IFNLR1: variants seen among roughly 807,000 people sequenced by gnomAD.
The protein encoded by IFNLR1 is interferon lambda receptor 1.
IFNLR1 carries 28 observed loss-of-function variants against 52.5 expected under a neutral mutation model. The observed-to-expected ratio is 0.53, with a 90% CI of 0.40 to 0.73. The LOEUF is 0.73. IFNLR1 is among the 30% of genes least tolerant of loss of function. IFNLR1 has a pLI of 0.00. For missense variants in IFNLR1, 623 were observed against 659.1 expected, an observed-to-expected ratio of 0.95 and a Z score of 0.60; for synonymous variants, 276 against 274.9, an observed-to-expected ratio of 1.00 and a Z score of -0.04.
At chr1:24,172,691 C>T (rs182506637) in intron 2 of IFNLR1, among the ~76,000 whole-genome samples, 5 of 152,200 alleles carry the variant, frequency 3.3e-5, no homozygotes, top group East Asian at 1.9e-4. Flanking sequence ...ACACCAAAAG[C>T]GTTAACTGTT....
intron 1 of IFNLR1, among the ~76,000 whole-genome samples, chr1:24,185,327 T>A (rs1189907772): frequency 6.6e-6 from 1 of 152,198 alleles, no homozygotes; most frequent in Non-Finnish European, 1.5e-5. Flanking sequence ...AACTATTCCA[T>A]CTATTGACCA....
In IFNLR1 at chr1:24,180,798, C is replaced by G. The variant is rs768810847; in HGVS notation, c.115G>C (p.Val39Leu). Residue 39 changes from valine to leucine, a missense_variant, in exon 2 of 7, where the codon GTG (valine) becomes CTG (leucine). By Grantham distance (32) the Val-to-Leu change is conservative. Transcript: ENST00000327535. ...AGCCCTGGGAGCCATGTCAGGTACACGCTGAAGTTCTGGGAGAGCAGCGTC... is the reference window on the plus strand; with the variant it reads ...AGCCCTGGGAGCCATGTCAGGTACAGGCTGAAGTTCTGGGAGAGCAGCGTC... ...NVTLLSQNFS[V>L]YLTWLPGLGN... 2.5e-6 allele frequency: 4 copies of G among 1,613,546 alleles called. No individual in the cohort carries two copies. The South Asian group carries it at 4.4e-5, about 18-fold the overall frequency.
At chr1:24,182,220 G>A (rs7524076) in intron 1 of IFNLR1, among the ~76,000 whole-genome samples, 104,400 of 148,732 alleles carry the variant, frequency 0.7, 37,624 homozygotes, top group African/African-American at 0.85. Flanking sequence ...AAAAAAAAGT[G>A]TTCCATGAAG....
rs1274217111 is a variant in IFNLR1, at chr1:24,165,588, G to A, written c.367+3829C>T. On this transcript the variant is annotated intron_variant, in intron 3 of 6. Coordinates refer to ENST00000327535, the MANE Select transcript of IFNLR1 (RefSeq NM_170743.4). The stretch of plus-strand genomic sequence containing the variant: ...AGAGGGCAATGTGACAAGGAATATG[G>A]CAGCCAGAGAAAACTAAATACACCA... 2.0e-5 allele frequency among the ~76,000 whole-genome samples: 3 copies of A among 152,302 alleles called. No individual in the cohort carries two copies. In the East Asian group the frequency reaches 5.8e-4, roughly 29 times the overall value.
intron 4 of IFNLR1, 91 bp from the exon 5 acceptor site, chr1:24,159,724 G>GTGTTT (rs1317567098): frequency 2.6e-6 from 2 of 774,182 alleles, no homozygotes; most frequent in Admixed American, 1.2e-4. Flanking sequence ...ACATGGTAGG[G>GTGTTT]TGTTTTTTTT....
At chr1:24,163,399 GT>G (rs1159347126) in intron 3 of IFNLR1, among the ~76,000 whole-genome samples, 2 of 152,124 alleles carry the variant, frequency 1.3e-5, no homozygotes, top group Non-Finnish European at 2.9e-5. Flanking sequence ...GTCAACAGGA[GT>G]TTTAGAGGGG....
chr1:24,187,147 G>A lies in IFNLR1; in HGVS notation c.58+44C>T, dbSNP rs1392773283. On this transcript the variant is annotated intron_variant, in intron 1 of 6. Transcript: ENST00000327535. The stretch of plus-strand genomic sequence containing the variant: ...TCCGAGGGTAGGCGCGGCCCGGCCC[G>A]GGGAGCCCTCTTCCCCCTCCCTCCC... 4.7e-6 allele frequency: 6 copies of A among 1,277,978 alleles called. No homozygotes were observed. The East Asian group carries it at 9.4e-5, about 20-fold the overall frequency. 79.2% of individuals were successfully genotyped at this position (1,277,978 alleles called of 1,614,324 possible).
chr1:24,176,835 C>T (rs1285942214), intron 2 of IFNLR1, among the ~76,000 whole-genome samples: 3 of 152,134 alleles, frequency 2.0e-5, no homozygotes, highest in African/African-American at 4.8e-5. Context: ...TGGTCTCAAA[C>T]TCTTGGGCTC....
At chr1:24,163,683 G>T (rs1180021000) in intron 3 of IFNLR1, among the ~76,000 whole-genome samples, 2 of 151,734 alleles carry the variant, frequency 1.3e-5, no homozygotes, top group Non-Finnish European at 2.9e-5. Flanking sequence ...GGGTTCAAGC[G>T]ATTCTACTGC....
Position 24,169,453 on chromosome 1 carries a change from AG to A in IFNLR1, c.330del (p.Trp111GlyfsTer29). 1 of 1,614,204 alleles carries A rather than the reference AG, an allele frequency of 6.2e-7. No homozygotes were observed. On this transcript the variant is annotated frameshift_variant, in exon 3 of 7. Coordinates refer to ENST00000327535, the MANE Select transcript of IFNLR1 (RefSeq NM_170743.4). LOFTEE classifies it high-confidence loss of function. ...TAATCCAGGTATTCGGACTCCACCCAGGGGGACTTGGAGCTGGGAGAAACCG... is the reference window on the plus strand; with the variant it reads ...TAATCCAGGTATTCGGACTCCACCCAGGGGACTTGGAGCTGGGAGAAACCG... ...VRTVSPSSKS[P>X]WVESEYLDYL...
At chr1:24,159,321 T>C in intron 5 of IFNLR1, 139 bp from the exon 6 acceptor site, 1 of 1,286,790 alleles carries the variant, frequency 7.8e-7, no homozygotes, top group East Asian at 2.4e-5. Context: ...CAAACCAAGG[T>C]TTGGGGCATT....
intron 3 of IFNLR1, among the ~76,000 whole-genome samples, chr1:24,164,679 C>T (rs1040376633): frequency 6.6e-6 from 1 of 151,882 alleles, no homozygotes; most frequent in Non-Finnish European, 1.5e-5. Context: ...CGACTGAGTA[C>T]TTTGATCTTT....
Position 24,169,466 on chromosome 1 carries a change from G to T in IFNLR1, c.318C>A (p.Ser106Arg). 6.2e-7 allele frequency: 1 copy of T among 1,614,234 alleles called. No homozygotes were observed. Among genetic ancestry groups the T allele is most frequent in the Non-Finnish European group, 8.5e-7 (1 of 1,180,040 alleles). Residue 106 changes from serine (S) to arginine (R), a missense_variant, in exon 3 of 7, where the codon AGC becomes AGA. Ser to Arg is a moderately radical substitution (Grantham distance 110, BLOSUM62 -1). Coordinates refer to ENST00000327535, the MANE Select transcript of IFNLR1 (RefSeq NM_170743.4). ...CGGACTCCACCCAGGGGGACTTGGA[G>T]CTGGGAGAAACCGTCCGCACGCGTC... is the stretch of plus-strand genomic sequence containing the variant. ...FKGRVRTVSP[S>R]SKSPWVESEY...
intron 3 of IFNLR1, among the ~76,000 whole-genome samples, chr1:24,166,967 T>C (rs1334897974): frequency 1.3e-5 from 2 of 152,130 alleles, no homozygotes; most frequent in Non-Finnish European, 2.9e-5. Flanking sequence ...TCTGTGAGGA[T>C]TTTTCCAGAA....
In IFNLR1 at chr1:24,157,614, G is replaced by A. The variant is rs1057242155; in HGVS notation, c.1079C>T (p.Ser360Leu). ...LGQEHQAPGH[S>L]EAGGVDSGRP... ...CCCTGAGTCCACCCCACCAGCCTCCGAGTGCCCTGGAGCCTGGTGCTCTTG... is the reference window on the plus strand; with the variant it reads ...CCCTGAGTCCACCCCACCAGCCTCCAAGTGCCCTGGAGCCTGGTGCTCTTG... Residue 360 changes from serine (S) to leucine (L), a missense_variant, in exon 7 of 7, where the codon TCG (serine) becomes TTG (leucine). Ser to Leu is a moderately radical substitution (Grantham distance 145). Transcript: ENST00000327535. The surrounding 1 kb of genome is among the most constrained non-coding windows in gnomAD (Gnocchi z 5.1). 8.1e-6 allele frequency: 13 copies of A among 1,606,576 alleles called. No homozygotes were observed. The highest frequency in any genetic ancestry group is 1.3e-5 in the African/African-American group (1 of 74,580).
At chr1:24,161,211 A>G (rs1184926636) in intron 4 of IFNLR1, among the ~76,000 whole-genome samples, 1 of 152,242 alleles carries the variant, frequency 6.6e-6, no homozygotes, top group African/African-American at 2.4e-5. Flanking sequence ...AAATGCAGCT[A>G]TACACACATG....
At position 24,159,109 on chromosome 1, in the gene IFNLR1, G is replaced by A. The variant is rs1644412543; in HGVS notation, c.744C>T (p.Ile248=). 1 of 1,613,978 alleles carries A rather than the reference G, an allele frequency of 6.2e-7. No individual in the cohort carries two copies. Among genetic ancestry groups the A allele is most frequent in the Admixed American group, 1.7e-5 (1 of 59,988 alleles). The change falls in exon 6 of 7, where the codon ATC becomes ATT. Residue 248 remains isoleucine (I), a synonymous_variant. Coordinates refer to ENST00000327535, the MANE Select transcript of IFNLR1 (RefSeq NM_170743.4). The part of the protein sequence containing the change: ...LLLVIAAGGV[I]WKTLMGNPWF... ...AGGGGTTCCCCATGAGGGTCTTCCAGATCACACCCCCTGCGGCAATTACTA... is the reference window on the plus strand; with the variant it reads ...AGGGGTTCCCCATGAGGGTCTTCCAAATCACACCCCCTGCGGCAATTACTA...
chr1:24,165,314 G>A (rs372850159), intron 3 of IFNLR1, among the ~76,000 whole-genome samples: 1 of 152,174 alleles, frequency 6.6e-6, no homozygotes. Context: ...TAAGCTTTCT[G>A]CCAGTACAGA....
intron 3 of IFNLR1, among the ~76,000 whole-genome samples, chr1:24,162,048 C>A (rs1450331991): frequency 6.6e-6 from 1 of 152,158 alleles, no homozygotes; most frequent in Non-Finnish European, 1.5e-5. Context: ...CAAATTACCA[C>A]ACACACAGTG....
Sources: allele counts gnomAD v4.1 joint callset (sites outside exome capture counted in the v4.1 genomes callset), GRCh38; gene constraint gnomAD v4.1.1; non-coding constraint Gnocchi (gnomAD v3.1); transcripts MANE v1.5; gene names NCBI Gene and HGNC (gene_info 2026-07-23, HGNC 2026-07-21).